Variants in ZNF765 observed in about 807,000 individuals in gnomAD.
ZNF765 encodes zinc finger protein 765.
Under a neutral mutation model 44.7 loss-of-function variants are expected in ZNF765, and 37 were observed. The ratio of observed to expected loss-of-function variants is 0.83; its 90% CI spans 0.64 to 1.09. The LOEUF is 1.09. ZNF765 is among the 50% of genes least tolerant of loss of function. ZNF765 has a pLI of 0.00. For missense variants in ZNF765, 594 were observed against 626.1 expected, an observed-to-expected ratio of 0.95 and a Z score of 0.55; for synonymous variants, 201 against 213.7, an observed-to-expected ratio of 0.94 and a Z score of 0.52.
At chr19:53,420,157 C>A (rs1456573378) in intron 3 of ZNF765, among the ~76,000 whole-genome samples, 1 of 152,112 alleles carries the variant, frequency 6.6e-6, no homozygotes, top group Non-Finnish European at 1.5e-5. Flanking sequence ...CTTGGTGAAT[C>A]CCCATCTCTA....
intron 3 of ZNF765, among the ~76,000 whole-genome samples, chr19:53,419,382 C>T (rs183911616): frequency 2.4e-4 from 36 of 152,290 alleles, no homozygotes; most frequent in Non-Finnish European, 4.9e-4. Flanking sequence ...TCAAAGTCTC[C>T]TCTTTGAAGG....
In ZNF765 at chr19:53,407,929, G is replaced by T. The variant is rs199957795; in HGVS notation, c.374G>T (p.Arg125Leu). Residue 125 changes from arginine to leucine, a missense_variant, in exon 4 of 4, where the codon CGA becomes CTA. Physicochemically the swap from Arg to Leu is moderately radical, Grantham distance 102. Coordinates refer to ENST00000396408, the MANE Select transcript of ZNF765 (RefSeq NM_001040185.3). The part of the protein sequence containing the change: ...KIKKLTGSTE[R>L]YDQNYAGNKP... ...AAAAAGTTGACAGGTAGTACAGAGC[G>T]ATATGATCAAAATTATGCTGGAAAC... The T allele has an allele frequency of 6.2e-7, 1 of 1,614,006 alleles. No individual in the cohort carries two copies. Among genetic ancestry groups the T allele is most frequent in the South Asian group, 1.1e-5 (1 of 91,086 alleles).
At chr19:53,414,597 T>A (rs1430310878), downstream of ZNF765, among the ~76,000 whole-genome samples, 1 of 148,704 alleles carries the variant, frequency 6.7e-6, no homozygotes, top group Non-Finnish European at 1.5e-5. Context: ...TTCTTGCAAA[T>A]CCCATTCTTT....
At chr19:53,399,810 T>A in intron 2 of ZNF765, among the ~76,000 whole-genome samples, 1 of 152,138 alleles carries the variant, frequency 6.6e-6, no homozygotes, top group African/African-American at 2.4e-5. Flanking sequence ...CCAATAGTTA[T>A]TTTTTATTTA....
In ZNF765 at chr19:53,398,095, T is replaced by C. The variant is rs1295897140; in HGVS notation, c.15+65T>C. The C allele has an allele frequency of 7.4e-6, 12 of 1,612,942 alleles. No homozygotes were observed. The African/African-American group carries it at 1.6e-4, about 22-fold the overall frequency. The stretch of plus-strand genomic sequence containing the variant: ...TTTCAGAAATGCTGACCTTGGAGTT[T>C]GGAATCTTCTCTGAGTCTGAAGCAT... On this transcript the variant is annotated intron_variant, in intron 2 of 3. Transcript: ENST00000396408.
intron 3 of ZNF765, among the ~76,000 whole-genome samples, chr19:53,407,174 G>C (rs1446688913): frequency 6.6e-6 from 1 of 151,986 alleles, no homozygotes; most frequent in Non-Finnish European, 1.5e-5. Flanking sequence ...GACTAAAAAA[G>C]ATTAAAAATT....
Position 53,410,636 on chromosome 19 carries a change from C to T in ZNF765, c.*1509C>T, listed in dbSNP as rs544779756. 43 of 479,622 alleles carry T rather than the reference C, an allele frequency of 9.0e-5. No individual in the cohort carries two copies. The highest frequency in any genetic ancestry group is 7.2e-4 in the African/African-American group (36 of 50,254). The allele number at this position is 479,622 out of a possible 1,614,324, so 29.7% of individuals were successfully genotyped here. A position where few individuals can be genotyped will look rare whatever the true frequency, so the allele number is the denominator to read the frequency against. On this transcript the variant is annotated 3_prime_UTR_variant, in exon 4 of 4. Transcript: ENST00000396408. ...GTCTTCAGTTACACTACAACCATTG[C>T]GAATCATTGGAGAATCCATAATGAA... is the stretch of plus-strand genomic sequence containing the variant.
chr19:53,404,639 T>G (rs1280464042), intron 3 of ZNF765, among the ~76,000 whole-genome samples: 2 of 151,414 alleles, frequency 1.3e-5, no homozygotes, highest in Non-Finnish European at 2.9e-5. Context: ...GTGTGTGTGT[T>G]TGTGTAGAAA....
At chr19:53,404,366 G>A (rs555052491) in intron 3 of ZNF765, among the ~76,000 whole-genome samples, 8 of 152,034 alleles carry the variant, frequency 5.3e-5, no homozygotes, top group Admixed American at 1.3e-4. Context: ...GTGAACCACC[G>A]TGCCCGGCCT....
At chr19:53,404,327 C>T (rs1348849774) in intron 3 of ZNF765, among the ~76,000 whole-genome samples, 1 of 152,228 alleles carries the variant, frequency 6.6e-6, no homozygotes, top group African/African-American at 2.4e-5. Flanking sequence ...CCACCAACCT[C>T]GGCCTCCTAA....
In ZNF765 at chr19:53,407,746, G is replaced by T. The variant is rs2085788966; in HGVS notation, c.191G>T (p.Gly64Val). The T allele has an allele frequency of 6.3e-7, 1 of 1,592,660 alleles. No homozygotes were observed. The highest frequency in any genetic ancestry group is 8.5e-7 in the Non-Finnish European group (1 of 1,170,754). The change falls in exon 4 of 4, where the codon GGC (glycine) becomes GTC (valine). Residue 64 changes from glycine (G) to valine (V), a missense_variant. By Grantham distance (109) the Gly-to-Val change is moderately radical. Around this residue, in one of 2 missense-constraint regions of ZNF765, gnomAD observed 567 missense variants for 572.6 expected, o/e 0.99. Transcript: ENST00000396408. ...MMKEFSSTAQ[G>V]NREVFHAGTS... ...AAGGAGTTCTCGTCAACAGCACAAG[G>T]CAATAGAGAAGTGTTCCATGCAGGG...
At position 53,409,892 on chromosome 19, in the gene ZNF765, T is replaced by G; in HGVS notation, c.*765T>G. 1 of 644,784 alleles carries G rather than the reference T, an allele frequency of 1.6e-6. No individual in the cohort carries two copies. The highest frequency in any genetic ancestry group is 1.4e-5 in the South Asian group (1 of 72,360). The allele number at this position is 644,784 out of a possible 1,614,324, so 39.9% of individuals were successfully genotyped here. ...CAAGGATAATGAGTGTAGAAAAACC[T>G]TTCATGGGCAGTCAGCATTTTACAA... On this transcript the variant is annotated 3_prime_UTR_variant, in exon 4 of 4. Coordinates refer to ENST00000396408, the MANE Select transcript of ZNF765 (RefSeq NM_001040185.3).
At chr19:53,401,907 A>C (rs1339390951) in intron 2 of ZNF765, 158 bp from the exon 3 acceptor site, 1 of 1,572,958 alleles carries the variant, frequency 6.4e-7, no homozygotes, top group African/African-American at 1.3e-5. Context: ...TAGTAAACAC[A>C]ACTGGGAAGA....
chr19:53,425,423 C>T (rs1568791470), exon 4 of ZNF765: 1 of 152,212 alleles, frequency 6.6e-6, no homozygotes, highest in African/African-American at 2.4e-5. Context: ...ATCCTCCCAT[C>T]TCAGCCTCTG....
At chr19:53,413,525 T>A (rs2085848875), downstream of ZNF765, among the ~76,000 whole-genome samples, 1 of 151,850 alleles carries the variant, frequency 6.6e-6, no homozygotes, top group Non-Finnish European at 1.5e-5. Flanking sequence ...AATAAATATG[T>A]GAGGCTTTTC....
At position 53,409,844 on chromosome 19, in the gene ZNF765, C is replaced by T; in HGVS notation, c.*717C>T. 1.5e-6 allele frequency: 1 copy of T among 676,778 alleles called. No individual in the cohort carries two copies. Among genetic ancestry groups the T allele is most frequent in the Non-Finnish European group, 2.8e-6 (1 of 356,104 alleles). 41.9% of individuals were successfully genotyped at this position (676,778 alleles called of 1,614,324 possible). A position where few individuals can be genotyped will look rare whatever the true frequency, so the allele number is the denominator to read the frequency against. On this transcript the variant is annotated 3_prime_UTR_variant, in exon 4 of 4. Coordinates refer to ENST00000396408, the MANE Select transcript of ZNF765 (RefSeq NM_001040185.3). ...GTCATACCTTACGCACCATCGTAGA[C>T]TTCATACTGGAGAGGTACCTTACAA... is the stretch of plus-strand genomic sequence containing the variant.
Position 53,408,943 on chromosome 19 carries a change from A to C in ZNF765, c.1388A>C (p.Glu463Ala). ...LEIHQKIHTE[E>A]NPYKCNECGK... ...ATACATCAGAAAATTCATACTGAAG[A>C]GAATCCTTACAAGTGTAATGAGTGT... Residue 463 changes from glutamate (E) to alanine (A), a missense_variant, in exon 4 of 4, where the codon GAG becomes GCG. Physicochemically the swap from Glu to Ala is moderately radical, Grantham distance 107 (BLOSUM62 -1). Around this residue, in one of 2 missense-constraint regions of ZNF765, gnomAD observed 567 missense variants for 572.6 expected, o/e 0.99. Coordinates refer to ENST00000396408, the MANE Select transcript of ZNF765 (RefSeq NM_001040185.3). The C allele has an allele frequency of 3.1e-6, 5 of 1,613,964 alleles. No homozygotes were observed. Among genetic ancestry groups the C allele is most frequent in the Non-Finnish European group, 4.2e-6 (5 of 1,179,922 alleles).
At chr19:53,414,256 A>C (rs866509721), downstream of ZNF765, among the ~76,000 whole-genome samples, 1 of 145,024 alleles carries the variant, frequency 6.9e-6, no homozygotes, top group African/African-American at 2.7e-5. Flanking sequence ...AAAAAAAAAG[A>C]AACTTGCAGC....
At position 53,410,914 on chromosome 19, in the gene ZNF765, A is replaced by G; in HGVS notation, c.*1787A>G. On this transcript the variant is annotated 3_prime_UTR_variant, in exon 4 of 4. Coordinates refer to ENST00000396408, the MANE Select transcript of ZNF765 (RefSeq NM_001040185.3). ...AGACATCAGAGAATGCATACTGGACAGAAATCTTATAAATGTCATCAGTGT... is the reference window on the plus strand; with the variant it reads ...AGACATCAGAGAATGCATACTGGACGGAAATCTTATAAATGTCATCAGTGT... 6.8e-6 allele frequency: 3 copies of G among 440,042 alleles called. No individual in the cohort carries two copies. Among genetic ancestry groups the G allele is most frequent in the South Asian group, 5.2e-5 (3 of 58,152 alleles). 27.3% of individuals were successfully genotyped at this position (440,042 alleles called of 1,614,324 possible).
Sources: gnomAD v4.1 joint callset for allele counts (sites outside exome capture counted in the v4.1 genomes callset) on GRCh38, gnomAD v4.1.1 for gene constraint, gnomAD v4.1.1 regional missense constraint, MANE v1.5 for transcripts, NCBI Gene and HGNC (gene_info 2026-07-23, HGNC 2026-07-21) for gene names.